Variants in CAV3 observed in about 807,000 individuals in gnomAD.
The protein encoded by CAV3 is caveolin-3.
CAV3 carries 10 observed loss-of-function variants against 13.4 expected under a neutral mutation model. That is an observed-to-expected ratio of 0.75 (90% CI 0.46 to 1.27). The LOEUF (loss-of-function observed/expected upper bound fraction) is 1.27. Ranked by LOEUF, CAV3 falls within the 50% of genes most tolerant of loss-of-function variation. CAV3 has a pLI of 0.00. For synonymous variants in CAV3, 90 were observed against 79.0 expected, an observed-to-expected ratio of 1.14 and a Z score of -0.74; for missense variants, 162 against 194.0, an observed-to-expected ratio of 0.83 and a Z score of 0.98.
At chr3:8,735,376 T>A (rs1707718963) in intron 1 of CAV3, among the ~76,000 whole-genome samples, 1 of 152,204 alleles carries the variant, frequency 6.6e-6, no homozygotes, top group Admixed American at 6.5e-5. Flanking sequence ...ATACCCACAG[T>A]ATATTTCAGT....
In CAV3 at chr3:8,745,660, A is replaced by G; in HGVS notation, c.249A>G (p.Pro83=). Residue 83 remains proline (P), a synonymous_variant, in exon 2 of 2, where the codon CCA becomes CCG. Coordinates refer to ENST00000343849, the MANE Select transcript of CAV3 (RefSeq NM_033337.3). This position sits in a 1 kb window ranked among gnomAD's most constrained non-coding sequence, Gnocchi z 4.8. The part of the protein sequence containing the change: ...YRLLSTLLGV[P]LALLWGFLFA... ...TGTTGTCCACGCTGCTGGGCGTCCC[A>G]CTGGCCCTGCTCTGGGGCTTCCTGT... 1 of 1,614,044 alleles carries G rather than the reference A, an allele frequency of 6.2e-7. No homozygotes were observed. The highest frequency in any genetic ancestry group is 8.5e-7 in the Non-Finnish European group (1 of 1,179,988).
chr3:8,735,462 G>A (rs73021987), intron 1 of CAV3, among the ~76,000 whole-genome samples: 2,160 of 152,186 alleles, frequency 0.014, 22 homozygotes, highest in Middle Eastern at 0.044. Flanking sequence ...AAATCGATTC[G>A]CATGCCTGTA....
intron 1 of CAV3, chr3:8,742,391 A>C: frequency 2.7e-6 from 1 of 367,354 alleles, no homozygotes; most frequent in South Asian, 2.0e-5. Context: ...GAAGAAGAAG[A>C]AAGATAATTA....
At position 8,745,780 on chromosome 3, in the gene CAV3, C is replaced by G. The variant is rs202101572; in HGVS notation, c.369C>G (p.Leu123=). 1 of 1,614,132 alleles carries G rather than the reference C, an allele frequency of 6.2e-7. No individual in the cohort carries two copies. The highest frequency in any genetic ancestry group is 2.2e-5 in the East Asian group (1 of 44,880). The change falls in exon 2 of 2, where the codon CTC becomes CTG. Residue 123 remains leucine (L), a synonymous_variant. Transcript: ENST00000343849. This position sits in a 1 kb window ranked among gnomAD's most constrained non-coding sequence, Gnocchi z 4.8. ...AGTGCATCAGCCACATCTACTCACT[C>G]TGCATCCGCACCTTCTGCAACCCAC... is the stretch of plus-strand genomic sequence containing the variant. ...EIQCISHIYS[L]CIRTFCNPLF...
rs1245296999 is a variant in CAV3, at chr3:8,746,028, G to A, written c.*161G>A. On this transcript the variant is annotated 3_prime_UTR_variant, in exon 2 of 2. Transcript: ENST00000343849. ...TGTAGGGAAGCCAGAAAGAAAAGACGGCCCAGCCACAGAAGCACAATGGCC... is the reference window on the plus strand; with the variant it reads ...TGTAGGGAAGCCAGAAAGAAAAGACAGCCCAGCCACAGAAGCACAATGGCC... 1.8e-5 allele frequency: 11 copies of A among 616,022 alleles called. No homozygotes were observed. The highest frequency in any genetic ancestry group is 4.1e-5 in the South Asian group (2 of 48,372). The allele number at this position is 616,022 out of a possible 1,614,324, so 38.2% of individuals were successfully genotyped here.
chr3:8,741,066 T>G (rs559276307), intron 1 of CAV3, among the ~76,000 whole-genome samples: 1 of 152,396 alleles, frequency 6.6e-6, no homozygotes, highest in East Asian at 1.9e-4. Flanking sequence ...TGTTGCTACC[T>G]TTTATAACAA....
chr3:8,737,155 G>C (rs237869), intron 1 of CAV3, among the ~76,000 whole-genome samples: 40,148 of 152,082 alleles, frequency 0.26, 5,242 homozygotes, highest in African/African-American at 0.29. Context: ...CAGAGACTGA[G>C]AGGAAGGTGC....
intron 1 of CAV3, among the ~76,000 whole-genome samples, chr3:8,742,904 T>C (rs767921701): frequency 3.3e-5 from 5 of 152,090 alleles, no homozygotes; most frequent in Non-Finnish European, 7.3e-5. Flanking sequence ...AGAAAAGAGA[T>C]TTATTTTGGT....
chr3:8,737,310 A>C (rs933285084), intron 1 of CAV3, among the ~76,000 whole-genome samples: 2 of 152,294 alleles, frequency 1.3e-5, no homozygotes. Flanking sequence ...CCAAGACCTG[A>C]CAGTAACTTG....
At chr3:8,739,637 G>A (rs1417395551) in intron 1 of CAV3, among the ~76,000 whole-genome samples, 17 of 143,800 alleles carry the variant, frequency 1.2e-4, no homozygotes, top group African/African-American at 4.3e-4. Context: ...AAAAAAAAAA[G>A]AGTTTCACGC....
At chr3:8,734,253 C>G (rs565567282) in intron 1 of CAV3, among the ~76,000 whole-genome samples, 121 of 152,048 alleles carry the variant, frequency 8.0e-4, no homozygotes, top group Non-Finnish European at 1.4e-3. Flanking sequence ...AGGAGCGAGT[C>G]ACAAAGAAAA....
intron 1 of CAV3, among the ~76,000 whole-genome samples, chr3:8,744,490 G>T (rs1374818187): frequency 7.1e-6 from 1 of 139,950 alleles, no homozygotes; most frequent in African/African-American, 2.9e-5. Flanking sequence ...TAGAGACAGG[G>T]TTTCACTGTG....
chr3:8,740,426 C>G (rs1707917664), intron 1 of CAV3, among the ~76,000 whole-genome samples: 1 of 152,260 alleles, frequency 6.6e-6, no homozygotes, highest in African/African-American at 2.4e-5. Flanking sequence ...CTATTCCTCC[C>G]TATTCCAATA....
intron 1 of CAV3, among the ~76,000 whole-genome samples, chr3:8,743,820 A>G (rs145930449): frequency 1.3e-5 from 2 of 152,382 alleles, no homozygotes; most frequent in Middle Eastern, 3.4e-3. Flanking sequence ...TGTACTGGAA[A>G]GAAATGCACC....
At chr3:8,744,445 ATT>A (rs141816229) in intron 1 of CAV3, among the ~76,000 whole-genome samples, 9,381 of 111,306 alleles carry the variant, frequency 0.084, 485 homozygotes, top group African/African-American at 0.26. Context: ...TACCCGGCTA[ATT>A]TTTTTTTTTT....
chr3:8,745,456 C>T lies in CAV3; in HGVS notation c.115-70C>T, dbSNP rs546273544. 3.2e-5 allele frequency: 39 copies of T among 1,223,124 alleles called. No individual in the cohort carries two copies. The highest frequency in any genetic ancestry group is 6.0e-5 in the African/African-American group (4 of 66,726). 75.8% of individuals were successfully genotyped at this position (1,223,124 alleles called of 1,614,324 possible). ...CCTCTAGGGGATTCTGACACATGCA[C>T]GCACACACCCAAAAGCTTGAGAAGC... On this transcript the variant is annotated intron_variant, in intron 1 of 1. Coordinates refer to ENST00000343849, the MANE Select transcript of CAV3 (RefSeq NM_033337.3). This position sits in a 1 kb window ranked among gnomAD's most constrained non-coding sequence, Gnocchi z 4.8.
rs753959620 is a variant in CAV3, at chr3:8,745,528, G to A, written c.117G>A (p.Val39=). ...GCTTCCCCTTGCCACCCCTGCAGGT[G>A]GATTTTGAAGACGTGATCGCAGAGC... ...PKNINEDIVK[V]DFEDVIAEPV... is the part of the protein sequence containing the mutation. Residue 39 remains valine (V), a splice_region_variant and synonymous_variant, in exon 2 of 2, where the codon GTG becomes GTA. Coordinates refer to ENST00000343849, the MANE Select transcript of CAV3 (RefSeq NM_033337.3). This position sits in a 1 kb window ranked among gnomAD's most constrained non-coding sequence, Gnocchi z 4.8. The A allele has an allele frequency of 6.2e-7, 1 of 1,613,912 alleles. No individual in the cohort carries two copies. The highest frequency in any genetic ancestry group is 1.7e-4 in the Middle Eastern group (1 of 6,058).
intron 1 of CAV3, chr3:8,744,789 T>C (rs1264130896): frequency 2.0e-5 from 3 of 152,272 alleles, no homozygotes; most frequent in Admixed American, 6.5e-5. Flanking sequence ...ACAATAGAAT[T>C]TGAGAGCTGC....
chr3:8,743,205 A>C lies in CAV3; in HGVS notation c.115-2321A>C, dbSNP rs149402531. Among the ~76,000 whole-genome samples, 961 of 152,312 alleles carry C rather than the reference A, an allele frequency of 6.3e-3. 10 individuals carry two copies. The highest frequency in any genetic ancestry group is 0.022 in the African/African-American group (908 of 41,566). On this transcript the variant is annotated intron_variant, in intron 1 of 1. Coordinates refer to ENST00000343849, the MANE Select transcript of CAV3 (RefSeq NM_033337.3). ...TCTTCAACACTGGGGATCACATTTC[A>C]ACATGAGATTTGGACGGGACAAACA...
Sources: allele counts gnomAD v4.1 joint callset (sites outside exome capture counted in the v4.1 genomes callset), GRCh38; gene constraint gnomAD v4.1.1; non-coding constraint Gnocchi (gnomAD v3.1); transcripts MANE v1.5; gene names NCBI Gene and HGNC (gene_info 2026-07-23, HGNC 2026-07-21).